Variants in PLPPR1 observed in about 807,000 individuals in gnomAD.
PLPPR1 encodes phospholipid phosphatase-related protein type 1.
Under a neutral mutation model 33.1 loss-of-function variants are expected in PLPPR1, and 10 were observed. That is an observed-to-expected ratio of 0.30 (90% CI 0.19 to 0.51). PLPPR1 has a LOEUF of 0.51. Among genes scored for constraint, PLPPR1 ranks in the 20% least tolerant of loss-of-function variants. The pLI is 0.97. For missense variants in PLPPR1, 304 were observed against 408.1 expected, an observed-to-expected ratio of 0.74 and a Z score of 2.20; for synonymous variants, 151 against 151.0, an observed-to-expected ratio of 1.00 and a Z score of 0.00.
rs1456722772 is a variant in PLPPR1 at position 101,182,422 on chromosome 9, C to G, written c.-45-3028C>G. Among the ~76,000 whole-genome samples the G allele has an allele frequency of 1.9e-4, 29 of 151,708 alleles. 1 individual carries two copies. The highest frequency in any genetic ancestry group is 1.9e-3 in the Admixed American group (29 of 15,178). ...GTAAAAATAAGTACCTGAGGTGATA[C>G]ATTTGTTAATTATGCTGATTTAATC... On this transcript the variant is annotated intron_variant, in intron 1 of 7. Coordinates refer to ENST00000374874, the MANE Select transcript of PLPPR1 (RefSeq NM_207299.2).
intron 1 of PLPPR1, among the ~76,000 whole-genome samples, chr9:101,031,921 T>C (rs532971840): frequency 2.8e-4 from 42 of 152,202 alleles, no homozygotes; most frequent in Middle Eastern, 3.4e-3. Flanking sequence ...TAGAGTGAGT[T>C]TTTTAGAGAT....
chr9:101,211,911 T>C (rs1248304079), intron 2 of PLPPR1, among the ~76,000 whole-genome samples: 1 of 152,190 alleles, frequency 6.6e-6, no homozygotes, highest in Non-Finnish European at 1.5e-5. Flanking sequence ...CACCTCCACT[T>C]TACATACAAG....
chr9:101,032,194 C>A (rs1356694344), intron 1 of PLPPR1, among the ~76,000 whole-genome samples: 1 of 152,046 alleles, frequency 6.6e-6, no homozygotes, highest in Admixed American at 6.5e-5. Context: ...GTGAATGGAA[C>A]TATCCAAGCA....
intron 2 of PLPPR1, among the ~76,000 whole-genome samples, chr9:101,231,800 G>T (rs184514595): frequency 7.9e-5 from 12 of 151,978 alleles, no homozygotes; most frequent in South Asian, 4.2e-4. Context: ...TAAAGTAGTC[G>T]ATTTTCCTTC....
intron 3 of PLPPR1, among the ~76,000 whole-genome samples, chr9:101,279,799 A>C (rs1588108847): frequency 1.3e-5 from 2 of 152,160 alleles, no homozygotes; most frequent in African/African-American, 4.8e-5. Flanking sequence ...AGTGGATGGA[A>C]TCAAGCAAAA....
intron 1 of PLPPR1, among the ~76,000 whole-genome samples, chr9:101,067,981 C>G (rs1830438960): frequency 6.6e-6 from 1 of 151,998 alleles, no homozygotes; most frequent in Non-Finnish European, 1.5e-5. Flanking sequence ...AAAGCATATG[C>G]TTAACATAAT....
chr9:101,270,293 G>A (rs1828071654), intron 3 of PLPPR1, among the ~76,000 whole-genome samples: 1 of 150,278 alleles, frequency 6.7e-6, no homozygotes, highest in Non-Finnish European at 1.5e-5. Flanking sequence ...ATTTTAAAAA[G>A]ATGTTTTTTT....
intron 2 of PLPPR1, among the ~76,000 whole-genome samples, chr9:101,192,844 T>A (rs146694500): frequency 9.9e-4 from 150 of 152,280 alleles, no homozygotes; most frequent in African/African-American, 3.6e-3. Context: ...GTATTTTAAA[T>A]TGCAATGACA....
chr9:101,101,640 T>G (rs77930387), intron 1 of PLPPR1, among the ~76,000 whole-genome samples: 2,695 of 152,236 alleles, frequency 0.018, 49 homozygotes, highest in African/African-American at 0.045. Context: ...AATAAAAGGA[T>G]GAATGAAACG....
chr9:101,156,730 T>A (rs1298591280), intron 1 of PLPPR1, among the ~76,000 whole-genome samples: 2 of 151,988 alleles, frequency 1.3e-5, no homozygotes, highest in Non-Finnish European at 2.9e-5. Context: ...AGGGAATACC[T>A]GAGGGAGGTT....
chr9:101,158,026 A>C (rs1831719274), intron 1 of PLPPR1, among the ~76,000 whole-genome samples: 1 of 152,090 alleles, frequency 6.6e-6, no homozygotes, highest in African/African-American at 2.4e-5. Context: ...AAGTGAATAA[A>C]AAATAAAATA....
At chr9:101,158,301 AG>A (rs1372882666) in intron 1 of PLPPR1, among the ~76,000 whole-genome samples, 1 of 152,148 alleles carries the variant, frequency 6.6e-6, no homozygotes, top group Non-Finnish European at 1.5e-5. Flanking sequence ...GAAAGAGATG[AG>A]AGAGGGTTTC....
At chr9:101,187,017 T>C (rs1826215861) in intron 2 of PLPPR1, among the ~76,000 whole-genome samples, 2 of 151,910 alleles carry the variant, frequency 1.3e-5, no homozygotes. Flanking sequence ...ATAGTGATAA[T>C]TATACATATT....
chr9:101,144,262 G>T (rs2163485), intron 1 of PLPPR1, among the ~76,000 whole-genome samples: 72,072 of 151,548 alleles, frequency 0.48, 17,699 homozygotes, highest in Non-Finnish European at 0.54. Context: ...ACCGGGGCCT[G>T]TTGGGGGTGG....
At chr9:101,215,447 A>C (rs1175900200) in intron 2 of PLPPR1, among the ~76,000 whole-genome samples, 1 of 151,956 alleles carries the variant, frequency 6.6e-6, no homozygotes, top group East Asian at 1.9e-4. Flanking sequence ...TGCCCAGCCA[A>C]ATTTTTTATT....
chr9:101,104,732 C>A (rs1830950964), intron 1 of PLPPR1, among the ~76,000 whole-genome samples: 1 of 103,158 alleles, frequency 9.7e-6, no homozygotes, highest in African/African-American at 4.3e-5. Flanking sequence ...GGTACCAGCT[C>A]CTCCTTGTAC....
At chr9:101,061,771 A>G (rs1363822118) in intron 1 of PLPPR1, among the ~76,000 whole-genome samples, 2 of 152,004 alleles carry the variant, frequency 1.3e-5, no homozygotes, top group Non-Finnish European at 2.9e-5. Flanking sequence ...CACATAGCAG[A>G]TACAGGTTAA....
chr9:101,218,342 T>C (rs566673144), intron 2 of PLPPR1, among the ~76,000 whole-genome samples: 1 of 152,328 alleles, frequency 6.6e-6, no homozygotes, highest in South Asian at 2.1e-4. Context: ...TGATAAATAT[T>C]GGAAGAAACC....
chr9:101,148,014 G>C (rs1456964675), intron 1 of PLPPR1, among the ~76,000 whole-genome samples: 1 of 152,142 alleles, frequency 6.6e-6, no homozygotes, highest in East Asian at 1.9e-4. Context: ...TGGATATTAG[G>C]AGAGGGTCCT....
Sources: allele counts gnomAD v4.1 joint callset (sites outside exome capture counted in the v4.1 genomes callset), GRCh38; gene constraint gnomAD v4.1.1; transcripts MANE v1.5; gene names NCBI Gene and HGNC (gene_info 2026-07-23, HGNC 2026-07-21).